Variants in HSPA9 observed in about 807,000 individuals in gnomAD.
HSPA9 encodes the protein heat shock protein family A (Hsp70) member 9.
In HSPA9, 28 loss-of-function variants were observed where a neutral mutation model predicts 81.5. The observed-to-expected ratio is 0.34, with a 90% confidence interval of 0.25 to 0.47. HSPA9 has a LOEUF of 0.47. Among genes scored for constraint, HSPA9 ranks in the 20% least tolerant of loss-of-function variants. The pLI is 1.00. For missense variants in HSPA9, 678 were observed against 838.0 expected (o/e 0.81, Z 2.36); for synonymous variants, 293 against 290.4 (o/e 1.01, Z -0.09).
chr5:138,573,543 TG>T (rs1750998183), intron 3 of HSPA9, among the ~76,000 whole-genome samples: 1 of 144,862 alleles, frequency 6.9e-6, no homozygotes, highest in Non-Finnish European at 1.5e-5. Flanking sequence ...CCCAGCTATG[TG>T]GCCAAGGCAG....
chr5:138,554,120 A>G lies in HSPA9; in HGVS notation c.*1917T>C, dbSNP rs1580738745. On this transcript the variant is annotated 3_prime_UTR_variant, in exon 17 of 17. Transcript: ENST00000297185. ...CCTATTGGCTGTAGGAAATCTCCATATACCTTCTTGCTATTTATGCTATTA... is the reference window on the plus strand; with the variant it reads ...CCTATTGGCTGTAGGAAATCTCCATGTACCTTCTTGCTATTTATGCTATTA... Among the ~76,000 whole-genome samples the G allele has an allele frequency of 6.6e-6, 1 of 152,128 alleles. No individual in the cohort carries two copies. The highest frequency in any genetic ancestry group is 1.5e-5 in the Non-Finnish European group (1 of 68,028).
intron 5 of HSPA9, 33 bp downstream of exon 5, chr5:138,568,892 G>T: frequency 1.2e-6 from 2 of 1,610,316 alleles, no homozygotes; most frequent in South Asian, 1.1e-5. Flanking sequence ...ATTGTTCTTA[G>T]AACTTTCCCA....
Position 138,575,253 on chromosome 5 carries a change from C to G in HSPA9, c.66G>C (p.Thr22=), listed in dbSNP as rs1463466570. ...AGTTCCTCACCTGGTGGCGGGCGGC[C>G]GTAGGGCCCCGGGAGGCTGCGGCGC... ...LVGAAASRGP[T]AARHQDSWNG... is the part of the protein sequence containing the mutation. Residue 22 remains threonine, a synonymous_variant, in exon 1 of 17, where the codon ACG becomes ACC. Coordinates refer to ENST00000297185, the MANE Select transcript of HSPA9 (RefSeq NM_004134.7). 3.7e-6 allele frequency: 6 copies of G among 1,606,714 alleles called. No individual in the cohort carries two copies. The highest frequency in any genetic ancestry group is 5.1e-6 in the Non-Finnish European group (6 of 1,177,540).
chr5:138,572,201 T>C (rs1006977190), intron 3 of HSPA9, among the ~76,000 whole-genome samples: 5 of 151,756 alleles, frequency 3.3e-5, no homozygotes, highest in East Asian at 1.9e-4. Context: ...TCCCCAAGTG[T>C]TGGGATTACA....
At chr5:138,560,156 G>A (rs1750623200) in intron 10 of HSPA9, 65 bp from the exon 11 acceptor site, 1 of 1,143,530 alleles carries the variant, frequency 8.7e-7, no homozygotes, top group South Asian at 1.3e-5. Context: ...GAACAAAAGG[G>A]AGCACGTGTC....
At chr5:138,556,685 A>C in intron 15 of HSPA9, 89 bp downstream of exon 15, 1 of 1,552,346 alleles carries the variant, frequency 6.4e-7, no homozygotes, top group South Asian at 1.1e-5. Context: ...AAATAATTAA[A>C]CCCCTATCAA....
intron 3 of HSPA9, among the ~76,000 whole-genome samples, chr5:138,571,759 C>T (rs1336385911): frequency 2.0e-5 from 3 of 150,586 alleles, no homozygotes; most frequent in Non-Finnish European, 3.0e-5. Context: ...TCTCCTACTT[C>T]AGCCTCCTGA....
intron 9 of HSPA9, 123 bp from the exon 10 acceptor site, chr5:138,561,912 G>A (rs1464804043): frequency 3.9e-6 from 3 of 777,434 alleles, no homozygotes; most frequent in Non-Finnish European, 6.9e-6. Flanking sequence ...GGGAGGGTGA[G>A]ATCTAATTTA....
intron 2 of HSPA9, 92 bp from the exon 3 acceptor site, chr5:138,573,942 G>T (rs1271933613): frequency 8.9e-6 from 11 of 1,236,232 alleles, no homozygotes; most frequent in Non-Finnish European, 1.1e-5. Context: ...ATTAACAGTG[G>T]TATACTACAT....
chr5:138,566,393 G>A (rs1750763260), intron 9 of HSPA9, among the ~76,000 whole-genome samples: 1 of 151,946 alleles, frequency 6.6e-6, no homozygotes, highest in Non-Finnish European at 1.5e-5. Context: ...ACATTATTTA[G>A]CTCCAGTATA....
chr5:138,573,120 CTT>C (rs1750945488), intron 3 of HSPA9, among the ~76,000 whole-genome samples: 1 of 152,146 alleles, frequency 6.6e-6, no homozygotes, highest in South Asian at 2.1e-4. Flanking sequence ...GTCTCGATCT[CTT>C]GACCTTGTGA....
In HSPA9 at chr5:138,561,709, A is replaced by C; in HGVS notation, c.1053T>G (p.Phe351Leu). 2 of 1,614,200 alleles carry C rather than the reference A, an allele frequency of 1.2e-6. No homozygotes were observed. Among genetic ancestry groups the C allele is most frequent in the Non-Finnish European group, 1.7e-6 (2 of 1,180,028 alleles). Residue 351 changes from phenylalanine (F) to leucine (L), a missense_variant, in exon 10 of 17, where the codon TTT becomes TTG. This residue lies in a region of HSPA9 where 484 missense variants were observed against 647.5 expected (regional missense o/e 0.75). Coordinates refer to ENST00000297185, the MANE Select transcript of HSPA9 (RefSeq NM_004134.7). ...HLNMKLTRAQ[F>L]EGIVTDLIRR... is the part of the protein sequence containing the mutation. ...TGATTAGATCAGTGACAATCCCTTC[A>C]AATTGAGCACGGGTCAACTTCATAT...
chr5:138,556,188 G>T, intron 16 of HSPA9, 74 bp from the exon 17 acceptor site: 2 of 1,232,318 alleles, frequency 1.6e-6, no homozygotes, highest in African/African-American at 1.5e-5. Context: ...TGCACTCCAA[G>T]ATGAGGGACC....
At chr5:138,557,602 C>T in intron 13 of HSPA9, 106 bp from the exon 14 acceptor site, 2 of 800,456 alleles carry the variant, frequency 2.5e-6, no homozygotes, top group South Asian at 1.4e-5. Context: ...AATCTTGATA[C>T]AAATTATGAA....
At chr5:138,556,309 G>T (rs1580739970) in intron 16 of HSPA9, 143 bp downstream of exon 16, 1 of 1,175,444 alleles carries the variant, frequency 8.5e-7, no homozygotes, top group East Asian at 2.3e-5. Flanking sequence ...CCAAAGTAGA[G>T]TCAAGACGGC....
rs1167358808 is a variant in HSPA9 at position 138,555,276 on chromosome 5, T to C, written c.*761A>G. ...CCCTCTTTGGGAAATATGGGAAGCATGAGCCATGGCATATTCTTGAAGCTA... is the reference window on the plus strand; with the variant it reads ...CCCTCTTTGGGAAATATGGGAAGCACGAGCCATGGCATATTCTTGAAGCTA... On this transcript the variant is annotated 3_prime_UTR_variant, in exon 17 of 17. Coordinates refer to ENST00000297185, the MANE Select transcript of HSPA9 (RefSeq NM_004134.7). The C allele has an allele frequency of 6.6e-6, 1 of 152,194 alleles. No individual in the cohort carries two copies. The highest frequency in any genetic ancestry group is 2.1e-4 in the South Asian group (1 of 4,818). The allele number at this position is 152,194 out of a possible 1,614,324, so 9.4% of individuals were successfully genotyped here.
At chr5:138,563,539 A>C (rs925694258) in intron 9 of HSPA9, among the ~76,000 whole-genome samples, 1 of 151,906 alleles carries the variant, frequency 6.6e-6, no homozygotes, top group African/African-American at 2.4e-5. Flanking sequence ...GCCCCCCTAC[A>C]CCCACTCAGG....
rs1294731455 is a variant in HSPA9 at position 138,574,068 on chromosome 5, GCATAAT to G, written c.134_139del (p.Asp45_Tyr46del). 1.2e-6 allele frequency: 2 copies of G among 1,610,728 alleles called. No individual in the cohort carries two copies. Among genetic ancestry groups the G allele is most frequent in the South Asian group, 2.2e-5 (2 of 91,010 alleles). ...TCAAAGGAAATGATATTATACTTACGCATAATCCCGCCTTGAAACAAGTCTAAAAGC... is the reference window on the plus strand; with the variant it reads ...TCAAAGGAAATGATATTATACTTACGCCCGCCTTGAAACAAGTCTAAAAGC... On this transcript the variant is annotated inframe_deletion and splice_region_variant, in exon 2 of 17. Transcript: ENST00000297185.
At chr5:138,566,569 T>C in intron 9 of HSPA9, 57 bp downstream of exon 9, 1 of 1,199,904 alleles carries the variant, frequency 8.3e-7, no homozygotes, top group African/African-American at 1.5e-5. Flanking sequence ...CTATTTATTT[T>C]AAATAAGCTC....
Sources: allele counts gnomAD v4.1 joint callset (sites outside exome capture counted in the v4.1 genomes callset), GRCh38; gene constraint gnomAD v4.1.1; regional missense constraint gnomAD v4.1.1; transcripts MANE v1.5; gene names NCBI Gene and HGNC (gene_info 2026-07-23, HGNC 2026-07-21).